Variants in MAF observed in about 807,000 individuals in gnomAD.
The protein encoded by MAF is MAF bZIP transcription factor, also known as transcription factor Maf.
Under a neutral mutation model 22.0 loss-of-function variants are expected in MAF, and 10 were observed. That is an observed-to-expected ratio of 0.45 (90% CI 0.28 to 0.77). MAF has a LOEUF of 0.77. Ranked by LOEUF, MAF falls within the 30% of genes least tolerant of loss-of-function variation. The pLI is 0.12. For missense variants in MAF, 544 were observed against 548.4 expected, an observed-to-expected ratio of 0.99 and a Z score of 0.08; for synonymous variants, 337 against 255.8, an observed-to-expected ratio of 1.32 and a Z score of -3.03.
chr16:79,571,590 T>A, the MAF span, among the ~76,000 whole-genome samples: 31,017 of 144,040 alleles, frequency 0.22, 3,719 homozygotes, highest in African/African-American at 0.32. Flanking sequence ...CCCCATAAAA[T>A]GGGAAACTGT....
chr16:79,476,172 T>A, the MAF span, among the ~76,000 whole-genome samples: 1 of 152,266 alleles, frequency 6.6e-6, no homozygotes, highest in African/African-American at 2.4e-5. Context: ...AAGGGAGTTC[T>A]GTCAATAACC....
chr16:79,273,475 A>G, the MAF span, among the ~76,000 whole-genome samples: 1 of 152,222 alleles, frequency 6.6e-6, no homozygotes, highest in Admixed American at 6.5e-5. Context: ...TTTCAGTTCT[A>G]GAAGTCAGAT....
At chr16:79,246,635 G>T in the MAF span, among the ~76,000 whole-genome samples, 1 of 152,024 alleles carries the variant, frequency 6.6e-6, no homozygotes, top group African/African-American at 2.4e-5. Context: ...ATGGGATAGA[G>T]AATCAAATTT....
chr16:79,539,847 G>C, the MAF span, among the ~76,000 whole-genome samples: 1 of 152,156 alleles, frequency 6.6e-6, no homozygotes, highest in Non-Finnish European at 1.5e-5. Flanking sequence ...TGTGTGCATT[G>C]AAAATCCATT....
chr16:79,420,397 C>T, the MAF span, among the ~76,000 whole-genome samples: 1 of 152,186 alleles, frequency 6.6e-6, no homozygotes, highest in Admixed American at 6.5e-5. Context: ...TGTTGACACG[C>T]CCTTCCCACG....
chr16:79,547,928 G>GAT, the MAF span, among the ~76,000 whole-genome samples: 2 of 151,884 alleles, frequency 1.3e-5, no homozygotes, highest in Non-Finnish European at 2.9e-5. Flanking sequence ...GATAGAGAGA[G>GAT]AGAGAGAGAG....
At chr16:79,478,920 G>C in the MAF span, among the ~76,000 whole-genome samples, 140 of 151,300 alleles carry the variant, frequency 9.3e-4, no homozygotes, top group African/African-American at 2.7e-3. Context: ...CTATATCTTA[G>C]TGCACCTGTG....
At chr16:79,484,795 G>C in the MAF span, among the ~76,000 whole-genome samples, 1 of 152,322 alleles carries the variant, frequency 6.6e-6, no homozygotes, top group South Asian at 2.1e-4. Context: ...ATGTGTGCAT[G>C]TGCACGTGTG....
At chr16:79,278,168 C>G in the MAF span, among the ~76,000 whole-genome samples, 1 of 152,182 alleles carries the variant, frequency 6.6e-6, no homozygotes, top group Non-Finnish European at 1.5e-5. Context: ...CTGCCCCCTG[C>G]AAGTTCAGAG....
chr16:79,518,048 C>T, the MAF span, among the ~76,000 whole-genome samples: 1 of 152,190 alleles, frequency 6.6e-6, no homozygotes, highest in Non-Finnish European at 1.5e-5. Context: ...AATGGATTAG[C>T]ACTCACTTGA....
the MAF span, among the ~76,000 whole-genome samples, chr16:79,424,337 T>C: frequency 6.6e-6 from 1 of 152,298 alleles, no homozygotes; most frequent in Admixed American, 6.5e-5. Flanking sequence ...TCGAATTCAA[T>C]ACCACCGGCC....
the MAF span, among the ~76,000 whole-genome samples, chr16:79,405,879 C>A: frequency 5.1e-4 from 77 of 152,308 alleles, no homozygotes; most frequent in Non-Finnish European, 8.1e-4. Flanking sequence ...CTCATTTCCT[C>A]CCAGGCTTTC....
chr16:79,596,724 A>G (rs1390129255), intron 1 of MAF: 1 of 1,042,732 alleles, frequency 9.6e-7, no homozygotes, highest in African/African-American at 1.7e-5. Context: ...AATAACATTT[A>G]CTGATTATTG....
the MAF span, among the ~76,000 whole-genome samples, chr16:79,531,434 A>G: frequency 6.6e-6 from 1 of 152,084 alleles, no homozygotes; most frequent in Non-Finnish European, 1.5e-5. Flanking sequence ...AACACATTAC[A>G]TTATTGTGCA....
At chr16:79,213,071 C>T in the MAF span, among the ~76,000 whole-genome samples, 1 of 152,168 alleles carries the variant, frequency 6.6e-6, no homozygotes, top group African/African-American at 2.4e-5. Context: ...GGGAGCTGTG[C>T]AGAAGCTCTT....
the MAF span, among the ~76,000 whole-genome samples, chr16:79,300,587 C>T: frequency 1.3e-5 from 2 of 150,330 alleles, no homozygotes; most frequent in African/African-American, 2.5e-5. Context: ...ACAAACAACA[C>T]CCTTATCTCA....
At chr16:79,236,953 A>AC in the MAF span, among the ~76,000 whole-genome samples, 449 of 151,582 alleles carry the variant, frequency 3.0e-3, 11 homozygotes, top group Admixed American at 0.023. Flanking sequence ...GGAAAAAAAA[A>AC]AAAAAACTCA....
the MAF span, among the ~76,000 whole-genome samples, chr16:79,576,870 T>G: frequency 2.0e-5 from 3 of 152,234 alleles, no homozygotes; most frequent in Non-Finnish European, 4.4e-5. Context: ...ATCTTACAGA[T>G]GCAGAAACTT....
At chr16:79,550,984 G>C in the MAF span, among the ~76,000 whole-genome samples, 1 of 152,068 alleles carries the variant, frequency 6.6e-6, no homozygotes, top group African/African-American at 2.4e-5. Flanking sequence ...GGAGGCCCCC[G>C]TGGCCTCACA....
Sources: allele counts gnomAD v4.1 joint callset (sites outside exome capture counted in the v4.1 genomes callset), GRCh38; gene constraint gnomAD v4.1.1; transcripts MANE v1.5; gene names NCBI Gene and HGNC (gene_info 2026-07-23, HGNC 2026-07-21).